Variants in SLC35F3 observed in about 807,000 individuals in gnomAD.
SLC35F3 encodes the protein solute carrier family 35 member F3.
SLC35F3 carries 25 observed loss-of-function variants against 49.9 expected under a neutral mutation model. That is an observed-to-expected ratio of 0.50 (90% confidence interval 0.37 to 0.70). The LOEUF (loss-of-function observed/expected upper bound fraction) is 0.70, where lower values mean the gene tolerates loss of function less well. Among genes scored for constraint, SLC35F3 ranks in the 30% least tolerant of loss-of-function variants. SLC35F3 has a pLI of 0.00. For missense variants in SLC35F3, 525 were observed against 639.8 expected (o/e 0.82, Z 1.94); for synonymous variants, 275 against 265.4 (o/e 1.04, Z -0.35).
intron 3 of SLC35F3, among the ~76,000 whole-genome samples, chr1:234,244,675 A>G (rs1268025355): frequency 6.6e-6 from 1 of 151,906 alleles, no homozygotes; most frequent in African/African-American, 2.4e-5. Context: ...GCAGAGGGGA[A>G]GTTCCATTAT....
chr1:234,101,575 G>A (rs978432954), intron 2 of SLC35F3, among the ~76,000 whole-genome samples: 15 of 152,184 alleles, frequency 9.9e-5, no homozygotes, highest in Non-Finnish European at 1.8e-4. Flanking sequence ...AAATAAGAAA[G>A]CATACGAAAT....
chr1:234,153,807 C>T (rs964067982), intron 2 of SLC35F3, among the ~76,000 whole-genome samples: 2 of 151,956 alleles, frequency 1.3e-5, no homozygotes, highest in African/African-American at 4.8e-5. Context: ...GACGCAGTGG[C>T]TCACGCCTGT....
At chr1:234,232,397 G>A (rs565937113) in intron 3 of SLC35F3, among the ~76,000 whole-genome samples, 4 of 151,714 alleles carry the variant, frequency 2.6e-5, no homozygotes, top group Non-Finnish European at 4.4e-5. Flanking sequence ...AGCCCTCCCC[G>A]GGAGTCACAC....
In SLC35F3 at chr1:234,323,577, T is replaced by G. The variant is rs1358093716; in HGVS notation, c.*334T>G. 3 of 332,342 alleles carry G rather than the reference T, an allele frequency of 9.0e-6. No individual in the cohort carries two copies. In the East Asian group the frequency reaches 1.9e-4, roughly 21 times the overall value. The allele number at this position is 332,342 out of a possible 1,614,324, so 20.6% of individuals were successfully genotyped here. Reference sequence around the variant, plus strand: ...AAGTGTTTTGAATCTTAGCAAGTGTTTTGAATCTTAGCAACTGAACATGAC... The same window carrying G: ...AAGTGTTTTGAATCTTAGCAAGTGTGTTGAATCTTAGCAACTGAACATGAC... On this transcript the variant is annotated 3_prime_UTR_variant, in exon 8 of 8. Transcript: ENST00000366618. The surrounding 1 kb of genome is among the most constrained non-coding windows in gnomAD (Gnocchi z 4.5).
chr1:233,981,536 C>T (rs1023136964), intron 2 of SLC35F3, among the ~76,000 whole-genome samples: 1 of 152,074 alleles, frequency 6.6e-6, no homozygotes, highest in African/African-American at 2.4e-5. Flanking sequence ...GTGGATGTGT[C>T]ACAATTTGTT....
intron 2 of SLC35F3, among the ~76,000 whole-genome samples, chr1:234,093,421 A>G (rs1665071843): frequency 6.6e-6 from 1 of 152,204 alleles, no homozygotes; most frequent in African/African-American, 2.4e-5. Flanking sequence ...CGTATCTCCC[A>G]GTGGCTCTGA....
rs142719001 is a variant in SLC35F3 at position 234,090,949 on chromosome 1, G to A, written c.284-140468G>A. On this transcript the variant is annotated intron_variant, in intron 2 of 7. Coordinates refer to ENST00000366618, the MANE Select transcript of SLC35F3 (RefSeq NM_173508.4). ...TCTGGTTAGCCCTCCGTTTCAACAC[G>A]GGGAGGAACATATTTTCTTCAAGGG... Among the ~76,000 whole-genome samples the A allele has an allele frequency of 7.1e-3, 1,081 of 152,280 alleles. 15 individuals are homozygous for A. The highest frequency in any genetic ancestry group is 0.024 in the African/African-American group (986 of 41,546).
At chr1:234,312,016 A>G (rs1263916746) in intron 4 of SLC35F3, among the ~76,000 whole-genome samples, 2 of 152,218 alleles carry the variant, frequency 1.3e-5, no homozygotes, top group African/African-American at 4.8e-5. Context: ...TCTTTTCTCC[A>G]TGGCATTATT....
At chr1:234,076,724 G>T (rs914527838) in intron 2 of SLC35F3, among the ~76,000 whole-genome samples, 1 of 152,062 alleles carries the variant, frequency 6.6e-6, no homozygotes, top group Non-Finnish European at 1.5e-5. Flanking sequence ...CCCTCCCAAA[G>T]TGCTGGGATT....
intron 2 of SLC35F3, among the ~76,000 whole-genome samples, chr1:233,980,382 T>C (rs1663163611): frequency 6.6e-6 from 1 of 152,216 alleles, no homozygotes; most frequent in African/African-American, 2.4e-5. Context: ...AAAGGCAGAA[T>C]GAATTAGTGC....
At chr1:234,241,596 A>G (rs1393723719) in intron 3 of SLC35F3, among the ~76,000 whole-genome samples, 1 of 152,072 alleles carries the variant, frequency 6.6e-6, no homozygotes, top group African/African-American at 2.4e-5. Flanking sequence ...TTAGCTGGGC[A>G]TGGTAGCACA....
intron 2 of SLC35F3, among the ~76,000 whole-genome samples, chr1:234,056,414 C>G (rs1259704043): frequency 6.6e-6 from 1 of 151,994 alleles, no homozygotes; most frequent in Non-Finnish European, 1.5e-5. Flanking sequence ...TTAATATGTA[C>G]AACTCAATGT....
intron 3 of SLC35F3, among the ~76,000 whole-genome samples, chr1:234,247,184 C>G (rs938585114): frequency 1.5e-4 from 23 of 152,192 alleles, no homozygotes; most frequent in Admixed American, 3.3e-4. Context: ...AGAAGAGAAA[C>G]TCTGTGTGGC....
intron 2 of SLC35F3, among the ~76,000 whole-genome samples, chr1:234,021,332 T>C (rs944424058): frequency 8.5e-5 from 13 of 152,178 alleles, no homozygotes; most frequent in Non-Finnish European, 1.9e-4. Context: ...TGTTCTAACA[T>C]AGACCCAGCA....
chr1:234,199,934 G>A (rs1487408580), intron 2 of SLC35F3, among the ~76,000 whole-genome samples: 1 of 152,164 alleles, frequency 6.6e-6, no homozygotes, highest in Non-Finnish European at 1.5e-5. Context: ...AAACCACAAT[G>A]AGCTATTACC....
chr1:234,033,919 G>A (rs996077464), intron 2 of SLC35F3, among the ~76,000 whole-genome samples: 7 of 152,090 alleles, frequency 4.6e-5, no homozygotes, highest in Admixed American at 1.3e-4. Flanking sequence ...GATGGGAATC[G>A]CATCGAATAT....
intron 3 of SLC35F3, among the ~76,000 whole-genome samples, chr1:234,279,503 A>G (rs1190406786): frequency 2.0e-5 from 3 of 152,200 alleles, no homozygotes; most frequent in African/African-American, 7.2e-5. Flanking sequence ...TGCTAGTCTG[A>G]GGGCCCAGAG....
At chr1:234,183,676 G>A (rs1240745614) in intron 2 of SLC35F3, among the ~76,000 whole-genome samples, 2 of 142,846 alleles carry the variant, frequency 1.4e-5, no homozygotes, top group African/African-American at 2.4e-5. Context: ...TGTATGCAGA[G>A]TTTATCTTTT....
At chr1:234,251,347 A>T (rs1667734800) in intron 3 of SLC35F3, among the ~76,000 whole-genome samples, 1 of 151,786 alleles carries the variant, frequency 6.6e-6, no homozygotes, top group Non-Finnish European at 1.5e-5. Flanking sequence ...TGGATGTATG[A>T]TTTTCAATTA....
Sources: allele counts gnomAD v4.1 joint callset (sites outside exome capture counted in the v4.1 genomes callset), GRCh38; gene constraint gnomAD v4.1.1; non-coding constraint Gnocchi (gnomAD v3.1); transcripts MANE v1.5; gene names NCBI Gene and HGNC (gene_info 2026-07-23, HGNC 2026-07-21).